The following LPCAT1 variants were observed in gnomAD, a reference collection of about 807,000 sequenced individuals.
LPCAT1 encodes lysophosphatidylcholine acyltransferase 1, also known as 1-acylglycerol-3-phosphate O-acyltransferase.
Under a neutral mutation model 60.9 loss-of-function variants are expected in LPCAT1, and 23 were observed. That is an observed-to-expected ratio of 0.38 (90% CI 0.27 to 0.53). The LOEUF is 0.53. Among genes scored for constraint, LPCAT1 ranks in the 20% least tolerant of loss-of-function variants. LPCAT1 has a pLI of 0.82. For synonymous variants in LPCAT1, 340 were observed against 301.1 expected (o/e 1.13, Z -1.34); for missense variants, 622 against 723.6 (o/e 0.86, Z 1.61).
At chr5:1,465,115 T>TGCACACACACAC (rs1734303261) in intron 13 of LPCAT1, among the ~76,000 whole-genome samples, 1 of 121,688 alleles carries the variant, frequency 8.2e-6, no homozygotes, top group African/African-American at 3.0e-5. Flanking sequence ...ACCACACACA[T>TGCACACACACAC]GCACACACAC....
intron 11 of LPCAT1, among the ~76,000 whole-genome samples, chr5:1,473,164 C>T (rs1317319498): frequency 1.3e-5 from 2 of 152,206 alleles, no homozygotes. Context: ...GACTGCACTG[C>T]AGCTGCTCCG....
intron 6 of LPCAT1, among the ~76,000 whole-genome samples, chr5:1,482,719 G>GGGTGGGGTGGGGTGGGGTGGGGTGT (rs1182660767): frequency 7.0e-6 from 1 of 142,012 alleles, no homozygotes; most frequent in East Asian, 2.1e-4. Context: ...GGGCAGGCTG[G>GGGTGGGGTGGGGTGGGGTGGGGTGT]GGTGGGGTGG....
chr5:1,477,785 G>T lies in LPCAT1; in HGVS notation c.817-299C>A, dbSNP rs2911490. On this transcript the variant is annotated intron_variant, in intron 8 of 13. Transcript: ENST00000283415. The surrounding 1 kb of genome is among the most constrained non-coding windows in gnomAD (Gnocchi z 6.0). ...CACCCCCGTCAGTGCTCCTGGGAGC[G>T]CCTGCTGCCTACATCAGAACATCTG... is the stretch of plus-strand genomic sequence containing the variant. Among the ~76,000 whole-genome samples the T allele has an allele frequency of 7.8e-4, 90 of 115,046 alleles. No homozygotes were observed. The highest frequency in any genetic ancestry group is 2.5e-3 in the East Asian group (9 of 3,650). The allele number at this position is 115,046 out of a possible 152,430, so 75.5% of individuals were successfully genotyped here.
rs542162022 is a variant in LPCAT1, at chr5:1,496,603, G to C, written c.279-1689C>G. On this transcript the variant is annotated intron_variant, in intron 2 of 13. Coordinates refer to ENST00000283415, the MANE Select transcript of LPCAT1 (RefSeq NM_024830.5). This position sits in a 1 kb window ranked among gnomAD's most constrained non-coding sequence, Gnocchi z 4.7. ...AGCAGGAAAAAAGGGATTAAAACCC[G>C]GGCGGCCCTTAGAGGAACACACCTG... is the stretch of plus-strand genomic sequence containing the variant. 6.6e-6 allele frequency among the ~76,000 whole-genome samples: 1 copy of C among 152,064 alleles called. No homozygotes were observed. Among genetic ancestry groups the C allele is most frequent in the Non-Finnish European group, 1.5e-5 (1 of 68,006 alleles).
intron 2 of LPCAT1, among the ~76,000 whole-genome samples, chr5:1,500,081 G>A (rs1735949841): frequency 6.6e-6 from 1 of 152,238 alleles, no homozygotes; most frequent in South Asian, 2.1e-4. Context: ...CATCACGCAG[G>A]CCAGCGGGCG....
At position 1,461,609 on chromosome 5, in the gene LPCAT1, G is replaced by A. The variant is rs567540078; in HGVS notation, c.*2042C>T. ...GCTGCGTCCTGTCTCACACACAAGG[G>A]GTTTAACTCAACGCTATGTACATTC... On this transcript the variant is annotated 3_prime_UTR_variant, in exon 14 of 14. Transcript: ENST00000283415. 2.6e-5 allele frequency: 4 copies of A among 152,942 alleles called. No individual in the cohort carries two copies. Among genetic ancestry groups the A allele is most frequent in the African/African-American group, 9.6e-5 (4 of 41,600 alleles). 9.5% of individuals were successfully genotyped at this position (152,942 alleles called of 1,614,324 possible).
rs1336497246 is a variant in LPCAT1 at position 1,477,962 on chromosome 5, C to T, written c.817-476G>A. ...AGAACATCTGGCTCTCTGATCTACA[C>T]TCACCCCCGTCAGTGCTCCTAGGAG... is the stretch of plus-strand genomic sequence containing the variant. On this transcript the variant is annotated intron_variant, in intron 8 of 13. Coordinates refer to ENST00000283415, the MANE Select transcript of LPCAT1 (RefSeq NM_024830.5). This position sits in a 1 kb window ranked among gnomAD's most constrained non-coding sequence, Gnocchi z 6.0. Among the ~76,000 whole-genome samples, 2 of 152,024 alleles carry T rather than the reference C, an allele frequency of 1.3e-5. No homozygotes were observed. The highest frequency in any genetic ancestry group is 4.8e-5 in the African/African-American group (2 of 41,386).
intron 1 of LPCAT1, among the ~76,000 whole-genome samples, chr5:1,517,430 C>T (rs73735513): frequency 0.082 from 12,421 of 152,220 alleles, 1,687 homozygotes; most frequent in African/African-American, 0.28. Context: ...CAGCACAGGG[C>T]GCCTTCTCAG....
chr5:1,482,277 G>C (rs1371557072), intron 6 of LPCAT1, among the ~76,000 whole-genome samples: 1 of 151,288 alleles, frequency 6.6e-6, no homozygotes, highest in Non-Finnish European at 1.5e-5. Context: ...CGGCAGGCCT[G>C]TGAGGCAAGG....
At chr5:1,470,793 C>G in intron 12 of LPCAT1, 33 bp downstream of exon 12, 1 of 1,560,760 alleles carries the variant, frequency 6.4e-7, no homozygotes, top group Non-Finnish European at 8.8e-7. Context: ...CCGCCCTGTC[C>G]CCCAGTCAAA....
chr5:1,466,678 G>A, intron 13 of LPCAT1, 71 bp downstream of exon 13: 1 of 1,491,790 alleles, frequency 6.7e-7, no homozygotes, highest in Non-Finnish European at 9.0e-7. Context: ...GGCTCCCACG[G>A]AGACTCGCCC....
chr5:1,465,474 C>CAG (rs1734340655), intron 13 of LPCAT1, among the ~76,000 whole-genome samples: 1 of 150,644 alleles, frequency 6.6e-6, no homozygotes, highest in African/African-American at 2.4e-5. Flanking sequence ...CATGCATGCA[C>CAG]ACACAAAACA....
chr5:1,500,391 G>C (rs1487910707), intron 2 of LPCAT1, among the ~76,000 whole-genome samples: 1 of 152,274 alleles, frequency 6.6e-6, no homozygotes, highest in African/African-American at 2.4e-5. Flanking sequence ...TTGTGATTTA[G>C]TTTAATTTTT....
Position 1,523,819 on chromosome 5 carries a change from C to A in LPCAT1, c.26G>T (p.Arg9Leu). The A allele has an allele frequency of 9.2e-7, 1 of 1,086,766 alleles. No homozygotes were observed. The highest frequency in any genetic ancestry group is 1.1e-6 in the Non-Finnish European group (1 of 895,462). 67.3% of individuals were successfully genotyped at this position (1,086,766 alleles called of 1,614,324 possible). A position where few individuals can be genotyped will look rare whatever the true frequency, so the allele number is the denominator to read the frequency against. Residue 9 changes from arginine to leucine, a missense_variant, in exon 1 of 14, where the codon CGG becomes CTG. Transcript: ENST00000283415. This position sits in a 1 kb window ranked among gnomAD's most constrained non-coding sequence, Gnocchi z 7.1. The part of the protein sequence containing the change: MRLRGCGP[R>L]AAPASSAGAS... Reference sequence around the variant, plus strand: ...CCCTGCGCTGGAGGCAGGGGCGGCCCGGGGTCCGCATCCCCGCAGCCTCAT... The same window carrying A: ...CCCTGCGCTGGAGGCAGGGGCGGCCAGGGGTCCGCATCCCCGCAGCCTCAT...
At chr5:1,469,156 G>A (rs1396788424) in intron 12 of LPCAT1, among the ~76,000 whole-genome samples, 1 of 152,212 alleles carries the variant, frequency 6.6e-6, no homozygotes, top group Admixed American at 6.5e-5. Context: ...CGGCCTGGAA[G>A]CCTGTGAGAA....
chr5:1,464,041 G>C (rs1216526968), intron 13 of LPCAT1, among the ~76,000 whole-genome samples: 1 of 152,158 alleles, frequency 6.6e-6, no homozygotes, highest in African/African-American at 2.4e-5. Context: ...CTGACAACCG[G>C]GGCAGGCTGG....
chr5:1,517,127 A>C (rs914430093), intron 1 of LPCAT1, among the ~76,000 whole-genome samples: 2 of 152,224 alleles, frequency 1.3e-5, no homozygotes, highest in Non-Finnish European at 2.9e-5. Context: ...AGCTAGATTA[A>C]AGGTTTACAC....
Position 1,521,280 on chromosome 5 carries a change from C to T in LPCAT1, c.135+2430G>A. 1 of 970,884 alleles carries T rather than the reference C, an allele frequency of 1.0e-6. No homozygotes were observed. 60.1% of individuals were successfully genotyped at this position (970,884 alleles called of 1,614,324 possible). ...GAGGAGGAGGTGTCCCCGCATGGCG[C>T]TAATCCGAAGACACACAGCAGCCCC... On this transcript the variant is annotated intron_variant, in intron 1 of 13. Coordinates refer to ENST00000283415, the MANE Select transcript of LPCAT1 (RefSeq NM_024830.5). This position sits in a 1 kb window ranked among gnomAD's most constrained non-coding sequence, Gnocchi z 4.3.
intron 10 of LPCAT1, 30 bp from the exon 11 acceptor site, chr5:1,474,140 T>G (rs375967794): frequency 8.1e-6 from 13 of 1,599,170 alleles, no homozygotes; most frequent in African/African-American, 2.7e-5. Flanking sequence ...AAGCTTTCTT[T>G]TTCAATAAAA....
Sources: allele counts gnomAD v4.1 joint callset (sites outside exome capture counted in the v4.1 genomes callset), GRCh38; gene constraint gnomAD v4.1.1; non-coding constraint Gnocchi (gnomAD v3.1); transcripts MANE v1.5; gene names NCBI Gene and HGNC (gene_info 2026-07-23, HGNC 2026-07-21).